CAMTA1: variants seen among roughly 807,000 people sequenced by gnomAD.
The protein encoded by CAMTA1 is calmodulin-binding transcription activator 1.
Under a neutral mutation model 170.9 loss-of-function variants are expected in CAMTA1, and 27 were observed. The observed-to-expected ratio is 0.16, with a 90% CI of 0.12 to 0.22. The LOEUF (loss-of-function observed/expected upper bound fraction) is 0.22, where lower values mean the gene tolerates loss of function less well. Ranked by LOEUF, CAMTA1 falls within the 10% of genes least tolerant of loss-of-function variation. The pLI is 1.00. For synonymous variants in CAMTA1, 833 were observed against 891.5 expected (o/e 0.93, Z 1.17); for missense variants, 1,619 against 2,217.2 (o/e 0.73, Z 5.42).
At chr1:7,490,927 TC>T (rs2093694183) in intron 6 of CAMTA1, among the ~76,000 whole-genome samples, 1 of 152,208 alleles carries the variant, frequency 6.6e-6, no homozygotes, top group African/African-American at 2.4e-5. Flanking sequence ...ACTTCTGGCT[TC>T]GGTAGCAAAG....
At chr1:7,530,876 G>A (rs1575828730) in intron 6 of CAMTA1, among the ~76,000 whole-genome samples, 1 of 136,264 alleles carries the variant, frequency 7.3e-6, no homozygotes, top group East Asian at 2.2e-4. Context: ...AGTGCAATGT[G>A]CAATCTCAGC....
chr1:7,536,349 G>T (rs1051725555), intron 6 of CAMTA1, among the ~76,000 whole-genome samples: 4 of 152,210 alleles, frequency 2.6e-5, no homozygotes, highest in Non-Finnish European at 5.9e-5. Flanking sequence ...GGCAGGGAGG[G>T]GCTTTGTGGC....
chr1:6,806,894 C>T, intron 1 of CAMTA1: 1 of 411,316 alleles, frequency 2.4e-6, no homozygotes, highest in Non-Finnish European at 4.3e-6. Flanking sequence ...ACCTTGTAGT[C>T]CCGCAGGGGC....
At chr1:7,284,215 T>TATTATC (rs1553121837) in intron 5 of CAMTA1, among the ~76,000 whole-genome samples, 2 of 146,830 alleles carry the variant, frequency 1.4e-5, no homozygotes, top group Admixed American at 6.8e-5. Flanking sequence ...TTATTATTAT[T>TATTATC]ATTTCTGAGA....
intron 5 of CAMTA1, among the ~76,000 whole-genome samples, chr1:7,273,852 T>A (rs1233998283): frequency 6.6e-6 from 1 of 152,030 alleles, no homozygotes; most frequent in Admixed American, 6.5e-5. Context: ...CAGAGGGAAG[T>A]GGAAGTATAT....
chr1:7,064,866 T>C lies in CAMTA1; in HGVS notation c.235-26438T>C, dbSNP rs4543822. The stretch of plus-strand genomic sequence containing the variant: ...TGGTTGGGTGACTCCTGCTGCCATC[T>C]AGGCAAGACATGGCAGCCACTTAGA... On this transcript the variant is annotated intron_variant, in intron 3 of 22. Coordinates refer to ENST00000303635, the MANE Select transcript of CAMTA1 (RefSeq NM_015215.4). This position sits in a 1 kb window ranked among gnomAD's most constrained non-coding sequence, Gnocchi z 5.4. 0.67 allele frequency among the ~76,000 whole-genome samples: 102,443 copies of C among 151,796 alleles called. 35,599 individuals are homozygous for C. Among genetic ancestry groups the C allele is most frequent in the African/African-American group, 0.85 (35,187 of 41,412 alleles).
At chr1:7,219,295 A>G (rs1477271751) in intron 4 of CAMTA1, 1 of 151,766 alleles carries the variant, frequency 6.6e-6, no homozygotes, top group Non-Finnish European at 1.5e-5. Flanking sequence ...GCCAGGGGTG[A>G]GTGTGATCTG....
intron 1 of CAMTA1, among the ~76,000 whole-genome samples, chr1:6,810,652 A>G (rs1038055123): frequency 1.3e-5 from 2 of 152,080 alleles, no homozygotes; most frequent in African/African-American, 4.8e-5. Context: ...AAAAATACAA[A>G]AATTTAGCCG....
intron 5 of CAMTA1, among the ~76,000 whole-genome samples, chr1:7,375,865 GAGAC>G (rs2086807007): frequency 6.6e-6 from 1 of 152,232 alleles, no homozygotes; most frequent in Non-Finnish European, 1.5e-5. Context: ...TTTGTCAACA[GAGAC>G]AGGGTGGACA....
chr1:7,302,835 T>A (rs1377048236), intron 5 of CAMTA1, among the ~76,000 whole-genome samples: 2 of 152,200 alleles, frequency 1.3e-5, no homozygotes, highest in Non-Finnish European at 2.9e-5. Flanking sequence ...GCACCCACCA[T>A]GTTTCAGACC....
rs148116709 is a variant in CAMTA1, at chr1:7,761,857, CT to C, written c.4990-4591del. Among the ~76,000 whole-genome samples, 355 of 148,590 alleles carry C rather than the reference CT, an allele frequency of 2.4e-3. 2 individuals carry two copies. Among genetic ancestry groups the C allele is most frequent in the South Asian group, 3.8e-3 (18 of 4,732 alleles). ...GACAGATAGAAAACGATCTAATTCA[CT>C]TTTTTTTTTTAAGACTAACAAGCAG... On this transcript the variant is annotated intron_variant, in intron 22 of 22. Transcript: ENST00000303635.
intron 3 of CAMTA1, among the ~76,000 whole-genome samples, chr1:7,022,833 C>G (rs1227454036): frequency 6.6e-6 from 1 of 152,106 alleles, no homozygotes; most frequent in Non-Finnish European, 1.5e-5. Flanking sequence ...CACTCTAAAC[C>G]CATAGAAATG....
Position 7,325,930 on chromosome 1 carries a change from C to T in CAMTA1, c.438+76304C>T, listed in dbSNP as rs115424988. Among the ~76,000 whole-genome samples the T allele has an allele frequency of 0.014, 2,081 of 152,274 alleles. 21 individuals carry two copies. Among genetic ancestry groups the T allele is most frequent in the Non-Finnish European group, 0.021 (1,398 of 68,020 alleles). ...CTGGAGGGCAGTGGTGTAATCTTGGCTCATTGCAACCGCTGCCTCCCAGGT... is the reference window on the plus strand; with the variant it reads ...CTGGAGGGCAGTGGTGTAATCTTGGTTCATTGCAACCGCTGCCTCCCAGGT... On this transcript the variant is annotated intron_variant, in intron 5 of 22. Transcript: ENST00000303635. This position sits in a 1 kb window ranked among gnomAD's most constrained non-coding sequence, Gnocchi z 5.0.
chr1:7,516,483 C>T (rs1314520241), intron 6 of CAMTA1, among the ~76,000 whole-genome samples: 1 of 152,160 alleles, frequency 6.6e-6, no homozygotes, highest in Non-Finnish European at 1.5e-5. Context: ...TGGGAGAAGC[C>T]TCTTCAGAGC....
At chr1:7,551,208 A>C (rs1008891954) in intron 6 of CAMTA1, among the ~76,000 whole-genome samples, 2 of 152,036 alleles carry the variant, frequency 1.3e-5, no homozygotes, top group African/African-American at 4.8e-5. Context: ...AGAAGCAAGG[A>C]AGGGAGGAGG....
chr1:7,508,532 C>T (rs1262796761), intron 6 of CAMTA1, among the ~76,000 whole-genome samples: 1 of 152,210 alleles, frequency 6.6e-6, no homozygotes, highest in Non-Finnish European at 1.5e-5. Context: ...CAGGTATGAC[C>T]TCCCTGCTCA....
At position 6,857,812 on chromosome 1, in the gene CAMTA1, C is replaced by T. The variant is rs576682880; in HGVS notation, c.234+32602C>T. Among the ~76,000 whole-genome samples, 8 of 151,890 alleles carry T rather than the reference C, an allele frequency of 5.3e-5. No homozygotes were observed. The South Asian group carries it at 1.0e-3, about 20-fold the overall frequency. On this transcript the variant is annotated intron_variant, in intron 3 of 22. Transcript: ENST00000303635. ...GGACACTGAAAATCAAATCATGTGCCGAGTGCACTGTAAAAAGAAAAAAAA... is the reference window on the plus strand; with the variant it reads ...GGACACTGAAAATCAAATCATGTGCTGAGTGCACTGTAAAAAGAAAAAAAA...
chr1:7,094,571 C>G (rs948404224), intron 4 of CAMTA1, among the ~76,000 whole-genome samples: 1 of 152,084 alleles, frequency 6.6e-6, no homozygotes, highest in Non-Finnish European at 1.5e-5. Flanking sequence ...TGCAGAGGGG[C>G]CCCCTGCTTG....
At chr1:7,157,325 A>T (rs1238396286) in intron 4 of CAMTA1, among the ~76,000 whole-genome samples, 1 of 138,594 alleles carries the variant, frequency 7.2e-6, no homozygotes, top group African/African-American at 2.7e-5. Flanking sequence ...AGCCTGGGTG[A>T]CAGAGTGAGA....
Sources: allele counts gnomAD v4.1 joint callset (sites outside exome capture counted in the v4.1 genomes callset), GRCh38; gene constraint gnomAD v4.1.1; non-coding constraint Gnocchi (gnomAD v3.1); transcripts MANE v1.5; gene names NCBI Gene and HGNC (gene_info 2026-07-23, HGNC 2026-07-21).